The following INSC variants were observed in gnomAD, a reference collection of about 807,000 sequenced individuals.
The protein encoded by INSC is protein inscuteable homolog.
INSC carries 67 observed loss-of-function variants against 58.6 expected under a neutral mutation model. That is an observed-to-expected ratio of 1.14 (90% confidence interval 0.94 to 1.40). INSC has a LOEUF of 1.40. Among genes scored for constraint, INSC ranks in the 40% most tolerant of loss-of-function variants. INSC has a pLI of 0.00. For missense variants in INSC, 714 were observed against 692.0 expected, an observed-to-expected ratio of 1.03 and a Z score of -0.36; for synonymous variants, 262 against 276.1, an observed-to-expected ratio of 0.95 and a Z score of 0.51.
At chr11:15,255,468 G>A in the INSC span, among the ~76,000 whole-genome samples, 1 of 152,134 alleles carries the variant, frequency 6.6e-6, no homozygotes, top group Non-Finnish European at 1.5e-5. Flanking sequence ...TAGTTTCAGA[G>A]TAAAGCATCA....
At chr11:15,144,143 T>C (rs1405965257) in intron 1 of INSC, among the ~76,000 whole-genome samples, 2 of 152,166 alleles carry the variant, frequency 1.3e-5, no homozygotes, top group East Asian at 3.9e-4. Context: ...AGTTTCTATG[T>C]TGGGAGGCAG....
intron 8 of INSC, 130 bp from the exon 9 acceptor site, chr11:15,225,520 T>A: frequency 1.1e-6 from 1 of 924,230 alleles, no homozygotes; most frequent in Non-Finnish European, 1.6e-6. Context: ...GTAGCCACTT[T>A]CCTCATCTGT....
intron 6 of INSC, among the ~76,000 whole-genome samples, chr11:15,194,171 C>A (rs1402733289): frequency 6.6e-6 from 1 of 152,216 alleles, no homozygotes; most frequent in East Asian, 1.9e-4. Flanking sequence ...CAACTAATAG[C>A]CCTAGGACCT....
At chr11:15,168,066 T>C (rs1849265024) in intron 2 of INSC, among the ~76,000 whole-genome samples, 2 of 152,188 alleles carry the variant, frequency 1.3e-5, no homozygotes, top group Admixed American at 6.5e-5. Flanking sequence ...CATCTGCCTA[T>C]GTTAAGGCTG....
At chr11:15,142,978 C>G (rs930837103) in intron 1 of INSC, among the ~76,000 whole-genome samples, 1 of 152,096 alleles carries the variant, frequency 6.6e-6, no homozygotes, top group Non-Finnish European at 1.5e-5. Context: ...TTACTGAATA[C>G]TCATCACGGC....
chr11:15,149,956 G>C (rs990184913), intron 2 of INSC, among the ~76,000 whole-genome samples: 4 of 152,200 alleles, frequency 2.6e-5, no homozygotes, highest in African/African-American at 9.6e-5. Flanking sequence ...AACTGATCTT[G>C]CACAGCAAAT....
chr11:15,190,741 C>G lies in INSC; in HGVS notation c.620C>G (p.Thr207Ser), dbSNP rs1334230036. The G allele has an allele frequency of 1.2e-6, 2 of 1,613,810 alleles. No individual in the cohort carries two copies. The highest frequency in any genetic ancestry group is 1.7e-6 in the Non-Finnish European group (2 of 1,179,840). ...ATTGATGCCTCAGACAATATCTACA[C>G]CACAGAGTCCACCACAGGGAACCTG... is the stretch of plus-strand genomic sequence containing the variant. ...RKIDASDNIY[T>S]TESTTGNLFS... Residue 207 changes from threonine to serine, a missense_variant, in exon 6 of 13, where the codon ACC becomes AGC. Thr to Ser is a moderately conservative substitution (Grantham distance 58, BLOSUM62 1). Transcript: ENST00000379556.
chr11:15,171,856 G>A (rs986295333), intron 2 of INSC, among the ~76,000 whole-genome samples: 2 of 152,170 alleles, frequency 1.3e-5, no homozygotes, highest in African/African-American at 4.8e-5. Context: ...TATGAACCTT[G>A]GTTCTACGTT....
At chr11:15,207,028 C>T (rs1039893138) in intron 7 of INSC, among the ~76,000 whole-genome samples, 8 of 152,118 alleles carry the variant, frequency 5.3e-5, no homozygotes, top group African/African-American at 1.9e-4. Flanking sequence ...GGTCAGGGCA[C>T]TGCTGGTTCA....
At chr11:15,188,896 G>A (rs1850067042) in intron 5 of INSC, among the ~76,000 whole-genome samples, 1 of 152,182 alleles carries the variant, frequency 6.6e-6, no homozygotes, top group Admixed American at 6.5e-5. Context: ...GCTGCTTGTG[G>A]TAATGGTGGG....
chr11:15,255,577 T>C, the INSC span, among the ~76,000 whole-genome samples: 1 of 152,210 alleles, frequency 6.6e-6, no homozygotes, highest in Admixed American at 6.5e-5. Context: ...TTGTTAGATA[T>C]TTCTGATGGT....
In INSC at chr11:15,238,889, G is replaced by C. The variant is rs1852230675; in HGVS notation, c.1238-30G>C. On this transcript the variant is annotated intron_variant, in intron 10 of 12. Coordinates refer to ENST00000379556, the MANE Select transcript of INSC (RefSeq NM_001042536.3). ...ATGGGGAAGGCTCCATGCTGGGGTA[G>C]GTACCAACTGTTCCTTGCTTCCTGC... 2.5e-6 allele frequency: 4 copies of C among 1,604,788 alleles called. No individual in the cohort carries two copies. In the East Asian group the frequency reaches 8.9e-5, roughly 36 times the overall value.
intron 9 of INSC, 122 bp downstream of exon 9, chr11:15,225,950 G>GTA: frequency 1.1e-6 from 1 of 910,368 alleles, no homozygotes; most frequent in Non-Finnish European, 1.6e-6. Flanking sequence ...TTTGCATGCT[G>GTA]TAGGAGGGCA....
the INSC span, among the ~76,000 whole-genome samples, chr11:15,259,408 A>G: frequency 6.6e-6 from 1 of 152,238 alleles, no homozygotes; most frequent in African/African-American, 2.4e-5. Flanking sequence ...TCTATAGATA[A>G]TAATAGAGTT....
At chr11:15,153,789 C>T (rs1395118009) in intron 2 of INSC, among the ~76,000 whole-genome samples, 6 of 152,188 alleles carry the variant, frequency 3.9e-5, no homozygotes, top group African/African-American at 1.4e-4. Context: ...TTCATCTATG[C>T]CATCCCTTCA....
In INSC at chr11:15,221,835, A is replaced by G. The variant is rs1414222613; in HGVS notation, c.991+187A>G. Among the ~76,000 whole-genome samples, 8 of 152,174 alleles carry G rather than the reference A, an allele frequency of 5.3e-5. No homozygotes were observed. The East Asian group carries it at 1.5e-3, about 29-fold the overall frequency. On this transcript the variant is annotated intron_variant, in intron 8 of 12. Transcript: ENST00000379556. Reference sequence around the variant, plus strand: ...TTAGGCTTTGATGAGCTCTATTATCAAGAGTTTCCTATTAAAATGTGTGCG... The same window carrying G: ...TTAGGCTTTGATGAGCTCTATTATCGAGAGTTTCCTATTAAAATGTGTGCG...
At chr11:15,148,635 G>A (rs1848554500) in intron 1 of INSC, among the ~76,000 whole-genome samples, 2 of 135,282 alleles carry the variant, frequency 1.5e-5, no homozygotes, top group South Asian at 2.4e-4. Flanking sequence ...CCACTATGCC[G>A]ATAACAGGGT....
At chr11:15,264,111 T>C in the INSC span, among the ~76,000 whole-genome samples, 1 of 120,158 alleles carries the variant, frequency 8.3e-6, no homozygotes, top group Non-Finnish European at 1.8e-5. Flanking sequence ...TCAGTAGCCT[T>C]AATTACATCT....
intron 10 of INSC, 91 bp from the exon 11 acceptor site, chr11:15,238,828 T>A: frequency 7.3e-7 from 1 of 1,378,076 alleles, no homozygotes; most frequent in African/African-American, 1.4e-5. Flanking sequence ...TGACAGCCTT[T>A]GCTTGCACCC....
Sources: gnomAD v4.1 joint callset for allele counts (sites outside exome capture counted in the v4.1 genomes callset) on GRCh38, gnomAD v4.1.1 for gene constraint, MANE v1.5 for transcripts, NCBI Gene and HGNC (gene_info 2026-07-23, HGNC 2026-07-21) for gene names.